The following LRIT3 variants were observed in gnomAD, a reference collection of about 807,000 sequenced individuals.
The protein encoded by LRIT3 is leucine rich repeat, Ig-like and transmembrane domains 3.
LRIT3 carries 14 observed loss-of-function variants against 22.6 expected under a neutral mutation model. That is an observed-to-expected ratio of 0.62 (90% CI 0.41 to 0.97). The LOEUF (loss-of-function observed/expected upper bound fraction) is 0.97, where lower values mean the gene tolerates loss of function less well. Ranked by LOEUF, LRIT3 falls within the 50% of genes least tolerant of loss-of-function variation. LRIT3 has a pLI of 0.00. For synonymous variants in LRIT3, 306 were observed against 304.5 expected, an observed-to-expected ratio of 1.01 and a Z score of -0.05; for missense variants, 783 against 803.0, an observed-to-expected ratio of 0.98 and a Z score of 0.30.
At chr4:109,849,482 G>A (rs1734155618) in intron 1 of LRIT3, among the ~76,000 whole-genome samples, 1 of 152,218 alleles carries the variant, frequency 6.6e-6, no homozygotes, top group African/African-American at 2.4e-5. Context: ...AAACTAAACT[G>A]TATGGAGACC....
At chr4:109,850,419 CTTCCTTTCTTTCTTTCTTTCT>C (rs1560588967) in intron 1 of LRIT3, among the ~76,000 whole-genome samples, 172 of 16,666 alleles carry the variant, frequency 0.01, 11 homozygotes, top group African/African-American at 0.039. Context: ...TCCTTCCTTC[CTTCCTTTCTTTCTTTCTTTCT>C]TTCTTTCTTT....
At chr4:109,858,866 A>G (rs751263961) in intron 2 of LRIT3, among the ~76,000 whole-genome samples, 1 of 152,142 alleles carries the variant, frequency 6.6e-6, no homozygotes, top group Non-Finnish European at 1.5e-5. Flanking sequence ...GATCAAGAAA[A>G]TTTTTAAAAG....
chr4:109,859,972 A>G (rs1053002742), intron 2 of LRIT3, among the ~76,000 whole-genome samples: 1 of 152,198 alleles, frequency 6.6e-6, no homozygotes, highest in Non-Finnish European at 1.5e-5. Flanking sequence ...TTTCTCTTCT[A>G]CAGGAGTAAA....
chr4:109,860,066 T>C (rs915383411), intron 2 of LRIT3, among the ~76,000 whole-genome samples: 2 of 152,204 alleles, frequency 1.3e-5, no homozygotes, highest in African/African-American at 4.8e-5. Context: ...GAATTAACTA[T>C]AAAACCAGGT....
intron 1 of LRIT3, among the ~76,000 whole-genome samples, chr4:109,849,956 A>T (rs1173268523): frequency 6.6e-6 from 1 of 152,234 alleles, no homozygotes; most frequent in Non-Finnish European, 1.5e-5. Flanking sequence ...TCTGGTATAA[A>T]GTAGTACTGA....
At chr4:109,859,183 A>AG (rs970307825) in intron 2 of LRIT3, among the ~76,000 whole-genome samples, 7 of 152,178 alleles carry the variant, frequency 4.6e-5, no homozygotes, top group African/African-American at 1.2e-4. Flanking sequence ...AGCTGGATCC[A>AG]GGGGGGTCAC....
chr4:109,867,609 T>C (rs757042170), intron 2 of LRIT3, 32 bp from the exon 3 acceptor site: 1 of 1,593,038 alleles, frequency 6.3e-7, no homozygotes, highest in Non-Finnish European at 8.6e-7. Flanking sequence ...ATCAGAATAA[T>C]CTTTGTCAAC....
rs145124487 is a variant in LRIT3 at position 109,865,462 on chromosome 4, A to T, written c.590-2179A>T. 1.8e-3 allele frequency among the ~76,000 whole-genome samples: 276 copies of T among 152,292 alleles called. 1 individual carries two copies. The highest frequency in any genetic ancestry group is 6.4e-3 in the African/African-American group (264 of 41,564). ...TTATAGGTGTTTTGGTATCTATCAG[A>T]TCATATCTCCACCATTACTTATGTA... On this transcript the variant is annotated intron_variant, in intron 2 of 3. Coordinates refer to ENST00000594814, the MANE Select transcript of LRIT3 (RefSeq NM_198506.5).
intron 1 of LRIT3, 95 bp downstream of exon 1, chr4:109,848,412 C>T (rs556396203): frequency 1.8e-6 from 1 of 559,680 alleles, no homozygotes; most frequent in African/African-American, 1.9e-5. Context: ...GTTTGGGGAT[C>T]AGAAATCACA....
At chr4:109,850,422 C>CCTTCCTTCCTTCCTTCCTTCCTTCCTT (rs66553123) in intron 1 of LRIT3, among the ~76,000 whole-genome samples, 1 of 55,088 alleles carries the variant, frequency 1.8e-5, no homozygotes, top group Non-Finnish European at 3.5e-5. Context: ...TTCCTTCCTT[C>CCTTCCTTCCTTCCTTCCTTCCTTCCTT]CTTTCTTTCT....
At chr4:109,856,106 T>C (rs989064233) in intron 2 of LRIT3, among the ~76,000 whole-genome samples, 2 of 152,184 alleles carry the variant, frequency 1.3e-5, no homozygotes, top group Non-Finnish European at 2.9e-5. Context: ...CCTCCCTGAC[T>C]GCACATCCAT....
chr4:109,850,016 T>C (rs927535255), intron 1 of LRIT3, among the ~76,000 whole-genome samples: 1 of 152,206 alleles, frequency 6.6e-6, no homozygotes, highest in African/African-American at 2.4e-5. Context: ...CCCTAGAGGA[T>C]TTCAAAGATT....
chr4:109,855,153 T>C (rs1353126027), intron 2 of LRIT3, among the ~76,000 whole-genome samples: 1 of 152,194 alleles, frequency 6.6e-6, no homozygotes, highest in Non-Finnish European at 1.5e-5. Context: ...AATTCAGCTG[T>C]GAATCCATCT....
chr4:109,865,017 C>T, intron 2 of LRIT3: 1 of 1,352,318 alleles, frequency 7.4e-7, no homozygotes, highest in Non-Finnish European at 9.6e-7. Flanking sequence ...GGCATTCTAT[C>T]ATATTCTTCT....
At chr4:109,850,422 C>CCTTCTTTCTTTCCTTCTTT (rs66553123) in intron 1 of LRIT3, among the ~76,000 whole-genome samples, 1 of 55,088 alleles carries the variant, frequency 1.8e-5, no homozygotes, top group South Asian at 7.3e-4. Context: ...TTCCTTCCTT[C>CCTTCTTTCTTTCCTTCTTT]CTTTCTTTCT....
At chr4:109,869,568 T>C (rs1579382566) in intron 3 of LRIT3, 77 bp from the exon 4 acceptor site, 8 of 1,389,822 alleles carry the variant, frequency 5.8e-6, no homozygotes, top group South Asian at 1.4e-5. Context: ...GAGTGGATAG[T>C]TGTTTCCTCC....
At chr4:109,858,651 T>C (rs907198570) in intron 2 of LRIT3, among the ~76,000 whole-genome samples, 4 of 152,206 alleles carry the variant, frequency 2.6e-5, no homozygotes, top group African/African-American at 9.6e-5. Flanking sequence ...GAAATGTTTT[T>C]CGACAGCAGT....
At chr4:109,864,821 CT>C (rs1734638118) in intron 2 of LRIT3, among the ~76,000 whole-genome samples, 1 of 152,022 alleles carries the variant, frequency 6.6e-6, no homozygotes, top group Admixed American at 6.6e-5. Flanking sequence ...TACTTTTAGT[CT>C]GTATTGTAGT....
chr4:109,865,051 T>C (rs1734642697), intron 2 of LRIT3: 1 of 1,405,166 alleles, frequency 7.1e-7, no homozygotes, highest in African/African-American at 1.5e-5. Flanking sequence ...TGATGATGGA[T>C]TTTAGTGTTA....
Sources: allele counts gnomAD v4.1 joint callset (sites outside exome capture counted in the v4.1 genomes callset), GRCh38; gene constraint gnomAD v4.1.1; transcripts MANE v1.5; gene names NCBI Gene and HGNC (gene_info 2026-07-23, HGNC 2026-07-21).